SAMD12: variants seen among roughly 807,000 people sequenced by gnomAD.
SAMD12 encodes sterile alpha motif domain containing 12.
Under a neutral mutation model 15.0 loss-of-function variants are expected in SAMD12, and 9 were observed. That is an observed-to-expected ratio of 0.60 (90% CI 0.36 to 1.05). The LOEUF (loss-of-function observed/expected upper bound fraction) is 1.05, where lower values mean the gene tolerates loss of function less well. Ranked by LOEUF, SAMD12 falls within the 50% of genes least tolerant of loss-of-function variation. The probability of loss-of-function intolerance (pLI) is 0.01; values close to 1 mark genes in which losing one functional copy is unlikely to be tolerated. For synonymous variants in SAMD12, 86 were observed against 90.1 expected (o/e 0.96, Z 0.25); for missense variants, 230 against 234.2 (o/e 0.98, Z 0.12).
intron 1 of SAMD12, among the ~76,000 whole-genome samples, chr8:118,584,229 GAATT>G (rs1457321403): frequency 1.3e-5 from 2 of 152,210 alleles, no homozygotes; most frequent in African/African-American, 4.8e-5. Flanking sequence ...TTTGTACTTA[GAATT>G]ATTTATTTAA....
At chr8:118,213,746 T>A (rs1811893282) in intron 4 of SAMD12, among the ~76,000 whole-genome samples, 1 of 152,206 alleles carries the variant, frequency 6.6e-6, no homozygotes, top group African/African-American at 2.4e-5. Context: ...ACAGCCTAGA[T>A]CTGCTGACTC....
intron 4 of SAMD12, among the ~76,000 whole-genome samples, chr8:118,344,849 G>A (rs911031734): frequency 1.3e-5 from 2 of 152,142 alleles, no homozygotes; most frequent in East Asian, 1.9e-4. Context: ...ATATACAATG[G>A]TGGTCCCATA....
chr8:118,360,702 G>T (rs944792168), intron 4 of SAMD12, among the ~76,000 whole-genome samples: 3 of 152,200 alleles, frequency 2.0e-5, no homozygotes, highest in Non-Finnish European at 4.4e-5. Flanking sequence ...TCACATTTAT[G>T]GTTGTGAGAT....
At chr8:118,163,874 CAAACAA>C in the SAMD12 span, among the ~76,000 whole-genome samples, 2 of 149,278 alleles carry the variant, frequency 1.3e-5, no homozygotes, top group East Asian at 4.1e-4. Flanking sequence ...GACTCCGTCT[CAAACAA>C]AACAAAACAA....
At chr8:118,291,832 T>C (rs931192035) in intron 4 of SAMD12, among the ~76,000 whole-genome samples, 4 of 150,712 alleles carry the variant, frequency 2.7e-5, no homozygotes, top group Non-Finnish European at 5.9e-5. Flanking sequence ...GTGACTTCCA[T>C]AGAGTGACTT....
At chr8:118,611,740 C>T (rs186228473) in intron 1 of SAMD12, among the ~76,000 whole-genome samples, 27 of 152,298 alleles carry the variant, frequency 1.8e-4, no homozygotes, top group Admixed American at 1.5e-3. Context: ...AACTGTTTGT[C>T]TAGGAGTTCT....
At chr8:118,537,108 T>C (rs571408011) in intron 2 of SAMD12, among the ~76,000 whole-genome samples, 1 of 152,350 alleles carries the variant, frequency 6.6e-6, no homozygotes, top group South Asian at 2.1e-4. Context: ...TGCCACTCTT[T>C]CCTGGCCTGT....
chr8:118,454,748 TCTGCAAAA>T, intron 2 of SAMD12, among the ~76,000 whole-genome samples: 1 of 152,326 alleles, frequency 6.6e-6, no homozygotes, highest in East Asian at 1.9e-4. Flanking sequence ...CTCTTTCCAT[TCTGCAAAA>T]CTGGGACTCT....
chr8:118,170,785 T>C, the SAMD12 span, among the ~76,000 whole-genome samples: 1 of 151,990 alleles, frequency 6.6e-6, no homozygotes, highest in Non-Finnish European at 1.5e-5. Context: ...GTTTGTTGAA[T>C]AGAACAATGT....
At chr8:118,475,481 C>A (rs1258903388) in intron 2 of SAMD12, among the ~76,000 whole-genome samples, 1 of 152,130 alleles carries the variant, frequency 6.6e-6, no homozygotes, top group East Asian at 1.9e-4. Context: ...TCATTTATAG[C>A]AATGCAAACA....
At chr8:118,366,983 A>G (rs893281848) in intron 4 of SAMD12, among the ~76,000 whole-genome samples, 6 of 152,010 alleles carry the variant, frequency 3.9e-5, no homozygotes, top group African/African-American at 1.2e-4. Context: ...ATAAGGATAG[A>G]AGGCTTTATT....
intron 4 of SAMD12, among the ~76,000 whole-genome samples, chr8:118,245,053 T>A (rs1228693590): frequency 2.0e-5 from 3 of 152,122 alleles, no homozygotes; most frequent in Non-Finnish European, 4.4e-5. Context: ...ACTCTGAGAA[T>A]ACTTAAGGCT....
chr8:118,218,685 T>C (rs944359288), intron 4 of SAMD12, among the ~76,000 whole-genome samples: 1 of 152,208 alleles, frequency 6.6e-6, no homozygotes, highest in Non-Finnish European at 1.5e-5. Context: ...ATCTATGTTA[T>C]TGCAAATGAC....
At chr8:118,508,959 GC>G (rs1310245880) in intron 2 of SAMD12, among the ~76,000 whole-genome samples, 2 of 152,126 alleles carry the variant, frequency 1.3e-5, no homozygotes, top group African/African-American at 4.8e-5. Context: ...CACAAAATTT[GC>G]TCTATAATAA....
At chr8:118,274,641 T>C (rs866213353) in intron 4 of SAMD12, among the ~76,000 whole-genome samples, 2 of 152,294 alleles carry the variant, frequency 1.3e-5, no homozygotes, top group Middle Eastern at 3.4e-3. Flanking sequence ...TTTACATACA[T>C]ATATCTTTCC....
At chr8:118,534,447 C>A (rs1482250577) in intron 2 of SAMD12, among the ~76,000 whole-genome samples, 1 of 152,126 alleles carries the variant, frequency 6.6e-6, no homozygotes, top group African/African-American at 2.4e-5. Flanking sequence ...CGAGGAGTAT[C>A]TCTGTGGTGT....
intron 4 of SAMD12, among the ~76,000 whole-genome samples, chr8:118,286,679 G>C (rs1814041707): frequency 6.6e-6 from 1 of 152,170 alleles, no homozygotes; most frequent in Non-Finnish European, 1.5e-5. Flanking sequence ...GATCAGGGGA[G>C]GAAGAAAACA....
chr8:118,269,111 C>A (rs1332289970), intron 4 of SAMD12, among the ~76,000 whole-genome samples: 1 of 151,638 alleles, frequency 6.6e-6, no homozygotes, highest in East Asian at 1.9e-4. Flanking sequence ...CCTTCCAGCT[C>A]TCCAAATTTT....
At chr8:118,225,431 A>G (rs1436886564) in intron 4 of SAMD12, among the ~76,000 whole-genome samples, 1 of 152,176 alleles carries the variant, frequency 6.6e-6, no homozygotes, top group East Asian at 1.9e-4. Context: ...TGCTGCCAGC[A>G]AAGTTGTGCT....
Sources: allele counts gnomAD v4.1 joint callset (sites outside exome capture counted in the v4.1 genomes callset), GRCh38; gene constraint gnomAD v4.1.1; transcripts MANE v1.5; gene names NCBI Gene and HGNC (gene_info 2026-07-23, HGNC 2026-07-21).